GTF2E1: variants seen among roughly 807,000 people sequenced by gnomAD.
The protein encoded by GTF2E1 is TFIIE alpha subunit.
A neutral mutation model predicts 34.9 loss-of-function variants in GTF2E1; 14 were observed. That is an observed-to-expected ratio of 0.40 (90% CI 0.27 to 0.63). GTF2E1 has a LOEUF of 0.63. GTF2E1 is among the 20% of genes least tolerant of loss of function. The pLI is 0.39. For missense variants in GTF2E1, 469 were observed against 557.7 expected (o/e 0.84, Z 1.60); for synonymous variants, 188 against 192.9 (o/e 0.97, Z 0.21).
At chr3:120,761,992 G>A (rs1472694490) in intron 2 of GTF2E1, among the ~76,000 whole-genome samples, 12 of 151,822 alleles carry the variant, frequency 7.9e-5, no homozygotes, top group Non-Finnish European at 1.6e-4. Flanking sequence ...GGATTTCACC[G>A]TGTTAGCCAG....
At position 120,773,922 on chromosome 3, in the gene GTF2E1, A is replaced by G. The variant is rs572969970; in HGVS notation, c.651-2501A>G. Among the ~76,000 whole-genome samples the G allele has an allele frequency of 4.6e-5, 7 of 152,320 alleles. No individual in the cohort carries two copies. In the East Asian group the frequency reaches 1.2e-3, roughly 25 times the overall value. ...ACTTTTTAAAAGTACTCTTGTGTTA[A>G]CATTTATTTTAATTCTGTTCTTTTC... On this transcript the variant is annotated intron_variant, in intron 3 of 4. Coordinates refer to ENST00000283875, the MANE Select transcript of GTF2E1 (RefSeq NM_005513.3).
chr3:120,777,720 G>C (rs1375263136), intron 4 of GTF2E1, among the ~76,000 whole-genome samples: 1 of 152,152 alleles, frequency 6.6e-6, no homozygotes, highest in Non-Finnish European at 1.5e-5. Context: ...CTTCCTCACT[G>C]ATTAGCCTGC....
In GTF2E1 at chr3:120,782,583, A is replaced by G. The variant is rs1490310661; in HGVS notation, c.*1113A>G. ...GTCTGATTTGGAAATCCTTTATGTA[A>G]AGCTGAGACTGGTCCTGGTTTTGTT... On this transcript the variant is annotated 3_prime_UTR_variant, in exon 5 of 5. Transcript: ENST00000283875. The G allele has an allele frequency of 6.6e-6, 1 of 152,138 alleles. No individual in the cohort carries two copies. 9.4% of individuals were successfully genotyped at this position (152,138 alleles called of 1,614,324 possible).
intron 1 of GTF2E1, among the ~76,000 whole-genome samples, chr3:120,748,501 A>T (rs1171602474): frequency 2.5e-4 from 38 of 152,204 alleles, no homozygotes; most frequent in African/African-American, 8.2e-4. Context: ...CATTTATTAA[A>T]TAGGGAATCC....
At chr3:120,765,855 GC>G (rs1709303179) in intron 2 of GTF2E1, among the ~76,000 whole-genome samples, 1 of 152,100 alleles carries the variant, frequency 6.6e-6, no homozygotes, top group South Asian at 2.1e-4. Flanking sequence ...GTCAAGCTTT[GC>G]CTAAAGAATC....
Position 120,776,500 on chromosome 3 carries a change from G to A in GTF2E1, c.728G>A (p.Gly243Asp), listed in dbSNP as rs548542812. Residue 243 changes from glycine to aspartate, a missense_variant, in exon 4 of 5, where the codon GGT becomes GAT. Coordinates refer to ENST00000283875, the MANE Select transcript of GTF2E1 (RefSeq NM_005513.3). ...CACCGGGAAGCATGGGCCACCAAAGGTCCTTCCTATGAAGACTTATACACT... is the reference window on the plus strand; with the variant it reads ...CACCGGGAAGCATGGGCCACCAAAGATCCTTCCTATGAAGACTTATACACT... ...GHHREAWATK[G>D]PSYEDLYTQN... 6.2e-7 allele frequency: 1 copy of A among 1,613,958 alleles called. No individual in the cohort carries two copies. The highest frequency in any genetic ancestry group is 2.2e-5 in the East Asian group (1 of 44,874).
chr3:120,761,527 A>G (rs1239398040), intron 2 of GTF2E1, among the ~76,000 whole-genome samples: 2 of 152,148 alleles, frequency 1.3e-5, no homozygotes, highest in East Asian at 3.9e-4. Flanking sequence ...CATCAATTTT[A>G]GATCTTTCCT....
At chr3:120,743,918 A>T (rs1709081176) in intron 1 of GTF2E1, among the ~76,000 whole-genome samples, 1 of 152,170 alleles carries the variant, frequency 6.6e-6, no homozygotes, top group African/African-American at 2.4e-5. Flanking sequence ...ATATGATTAA[A>T]ATACACGTGG....
chr3:120,762,911 G>A (rs1160944517), intron 2 of GTF2E1, among the ~76,000 whole-genome samples: 1 of 152,068 alleles, frequency 6.6e-6, no homozygotes, highest in Non-Finnish European at 1.5e-5. Flanking sequence ...GAAGCTTGGG[G>A]GTTTTATCAC....
At chr3:120,761,995 T>G (rs2107609038) in intron 2 of GTF2E1, among the ~76,000 whole-genome samples, 1 of 152,226 alleles carries the variant, frequency 6.6e-6, no homozygotes, top group Non-Finnish European at 1.5e-5. Flanking sequence ...TTTCACCGTG[T>G]TAGCCAGGAT....
At chr3:120,748,182 T>C (rs1391061241) in intron 1 of GTF2E1, among the ~76,000 whole-genome samples, 3 of 152,218 alleles carry the variant, frequency 2.0e-5, no homozygotes, top group African/African-American at 7.2e-5. Context: ...TGCAAAAATT[T>C]TCTCCCATTC....
In GTF2E1 at chr3:120,766,823, G is replaced by A. The variant is rs138761017; in HGVS notation, c.449-3905G>A. Among the ~76,000 whole-genome samples the A allele has an allele frequency of 2.9e-4, 44 of 152,124 alleles. No homozygotes were observed. In the East Asian group the frequency reaches 3.5e-3, roughly 12 times the overall value. On this transcript the variant is annotated intron_variant, in intron 2 of 4. Coordinates refer to ENST00000283875, the MANE Select transcript of GTF2E1 (RefSeq NM_005513.3). ...ATGCCACCACCACTCTCTCAGTAGC[G>A]TGGGTGCCTGCTTGCTACATAGTAT...
chr3:120,747,122 A>G (rs1281013746), intron 1 of GTF2E1, among the ~76,000 whole-genome samples: 1 of 151,414 alleles, frequency 6.6e-6, no homozygotes, highest in Non-Finnish European at 1.5e-5. Context: ...TTTTTTTTTG[A>G]GACTGAGTTT....
At chr3:120,744,791 T>C (rs1709091570) in intron 1 of GTF2E1, among the ~76,000 whole-genome samples, 1 of 152,194 alleles carries the variant, frequency 6.6e-6, no homozygotes, top group African/African-American at 2.4e-5. Context: ...ATAAGAGTCA[T>C]TTTTCTAAAT....
At chr3:120,776,721 G>C in intron 4 of GTF2E1, 57 bp downstream of exon 4, 1 of 1,505,570 alleles carries the variant, frequency 6.6e-7, no homozygotes, top group Middle Eastern at 1.8e-4. Context: ...ACATGAACTT[G>C]GCTTAGTGGG....
intron 3 of GTF2E1, 140 bp from the exon 4 acceptor site, chr3:120,776,283 A>G (rs1251414452): frequency 1.1e-5 from 8 of 724,328 alleles, no homozygotes; most frequent in Non-Finnish European, 1.6e-5. Context: ...CTTTCTTGGA[A>G]TTGTTAAAGC....
intron 4 of GTF2E1, among the ~76,000 whole-genome samples, chr3:120,776,973 C>T (rs1709406519): frequency 6.6e-6 from 1 of 152,082 alleles, no homozygotes; most frequent in African/African-American, 2.4e-5. Flanking sequence ...CTCACCTTTC[C>T]TTTAATCTTA....
At chr3:120,762,022 C>G (rs996266234) in intron 2 of GTF2E1, among the ~76,000 whole-genome samples, 12 of 152,116 alleles carry the variant, frequency 7.9e-5, no homozygotes, top group African/African-American at 2.9e-4. Flanking sequence ...GATCTCCTGA[C>G]CTCGTGATCC....
intron 2 of GTF2E1, among the ~76,000 whole-genome samples, chr3:120,764,680 G>A (rs1302952281): frequency 6.6e-6 from 1 of 152,128 alleles, no homozygotes; most frequent in Admixed American, 6.6e-5. Flanking sequence ...AATGTCTTCT[G>A]CCCTAGTGTC....
Sources: allele counts gnomAD v4.1 joint callset (sites outside exome capture counted in the v4.1 genomes callset), GRCh38; gene constraint gnomAD v4.1.1; transcripts MANE v1.5; gene names NCBI Gene and HGNC (gene_info 2026-07-23, HGNC 2026-07-21).